Variants in TMEM63C observed in about 807,000 individuals in gnomAD.
The protein encoded by TMEM63C is osmosensitive cation channel TMEM63C.
TMEM63C carries 32 observed loss-of-function variants against 99.2 expected under a neutral mutation model. The ratio of observed to expected loss-of-function variants is 0.32; its 90% CI spans 0.24 to 0.43. The LOEUF (loss-of-function observed/expected upper bound fraction) is 0.43, where lower values mean the gene tolerates loss of function less well. Ranked by LOEUF, TMEM63C falls within the 20% of genes least tolerant of loss-of-function variation. TMEM63C has a pLI of 1.00. For missense variants in TMEM63C, 826 were observed against 1,053.0 expected, an observed-to-expected ratio of 0.78 and a Z score of 2.98; for synonymous variants, 376 against 397.9, an observed-to-expected ratio of 0.94 and a Z score of 0.66.
At position 77,238,673 on chromosome 14, in the gene TMEM63C, A is replaced by G. The variant is rs771992001; in HGVS notation, c.652-21A>G. On this transcript the variant is annotated intron_variant, in intron 9 of 23. Coordinates refer to ENST00000298351, the MANE Select transcript of TMEM63C (RefSeq NM_020431.4). ...TATGCAAGCACAGTCTTCTTTCTCC[A>G]TTTTTATTTTTCCCACCCAGGTCAC... 4 of 1,603,424 alleles carry G rather than the reference A, an allele frequency of 2.5e-6. No individual in the cohort carries two copies. In the South Asian group the frequency reaches 3.3e-5, roughly 13 times the overall value.
intron 1 of TMEM63C, among the ~76,000 whole-genome samples, chr14:77,186,106 G>A (rs1422448001): frequency 6.6e-6 from 1 of 151,944 alleles, no homozygotes; most frequent in African/African-American, 2.4e-5. Context: ...CTGCCTCCCA[G>A]GTTCAAGCGA....
At chr14:77,195,376 G>A (rs563269447) in intron 1 of TMEM63C, among the ~76,000 whole-genome samples, 8 of 152,260 alleles carry the variant, frequency 5.3e-5, no homozygotes, top group Admixed American at 4.6e-4. Flanking sequence ...GAAAGGGACC[G>A]ATGATCCCTT....
chr14:77,184,923 C>T (rs946672766), intron 1 of TMEM63C, among the ~76,000 whole-genome samples: 7 of 152,130 alleles, frequency 4.6e-5, no homozygotes, highest in Admixed American at 1.3e-4. Flanking sequence ...AGAAGAACAA[C>T]GTGTGGCCAG....
intron 1 of TMEM63C, among the ~76,000 whole-genome samples, chr14:77,211,535 A>G (rs1380248975): frequency 6.6e-6 from 1 of 152,200 alleles, no homozygotes; most frequent in Admixed American, 6.5e-5. Flanking sequence ...CATCCCTGAG[A>G]TTTGGCTTTG....
chr14:77,209,820 T>A (rs558981216), intron 1 of TMEM63C, among the ~76,000 whole-genome samples: 1 of 152,084 alleles, frequency 6.6e-6, no homozygotes, highest in Admixed American at 6.5e-5. Context: ...GAGGGTACCA[T>A]GAGGAAGTAG....
At chr14:77,215,074 A>G (rs1888557207) in intron 2 of TMEM63C, among the ~76,000 whole-genome samples, 1 of 152,168 alleles carries the variant, frequency 6.6e-6, no homozygotes, top group South Asian at 2.1e-4. Context: ...CCACACCTGC[A>G]ACCATACAGG....
intron 7 of TMEM63C, among the ~76,000 whole-genome samples, chr14:77,233,247 C>T (rs371416951): frequency 7.9e-5 from 12 of 152,132 alleles, no homozygotes; most frequent in South Asian, 2.1e-4. Flanking sequence ...GCTTTCCTCC[C>T]GAGAGCCCCA....
chr14:77,203,589 C>T (rs1469855633), intron 1 of TMEM63C, among the ~76,000 whole-genome samples: 1 of 152,196 alleles, frequency 6.6e-6, no homozygotes, highest in Non-Finnish European at 1.5e-5. Flanking sequence ...GTTCTTTATT[C>T]TGGCTACTTT....
chr14:77,210,453 G>A (rs907663790), intron 1 of TMEM63C, among the ~76,000 whole-genome samples: 2 of 152,212 alleles, frequency 1.3e-5, no homozygotes, highest in Admixed American at 1.3e-4. Flanking sequence ...GTTTGAGGAT[G>A]GTATGGGGCA....
intron 1 of TMEM63C, among the ~76,000 whole-genome samples, chr14:77,211,292 CGGGCCAGTTAACTTCTCT>C (rs1888493246): frequency 6.6e-6 from 1 of 152,178 alleles, no homozygotes; most frequent in Non-Finnish European, 1.5e-5. Context: ...ACCGTGACCT[CGGGCCAGTTAACTTCTCT>C]GGGCCATGAC....
At chr14:77,240,407 G>C in intron 12 of TMEM63C, 68 bp from the exon 13 acceptor site, 1 of 1,520,694 alleles carries the variant, frequency 6.6e-7, no homozygotes, top group South Asian at 1.3e-5. Context: ...GAGTGGGGAG[G>C]AACCTCGTGA....
intron 1 of TMEM63C, among the ~76,000 whole-genome samples, chr14:77,209,528 G>A (rs1256718785): frequency 6.6e-6 from 1 of 152,172 alleles, no homozygotes; most frequent in Non-Finnish European, 1.5e-5. Flanking sequence ...TACTATCAAA[G>A]AGCCCATGGA....
chr14:77,230,448 A>G (rs1407680389), intron 6 of TMEM63C, among the ~76,000 whole-genome samples: 5 of 152,114 alleles, frequency 3.3e-5, no homozygotes. Flanking sequence ...AGGTTCAGCT[A>G]TGGGTCATTC....
chr14:77,253,116 C>T (rs1327546675), intron 22 of TMEM63C, among the ~76,000 whole-genome samples, 189 bp from the exon 23 acceptor site: 2 of 152,206 alleles, frequency 1.3e-5, no homozygotes, highest in Non-Finnish European at 2.9e-5. Flanking sequence ...AGAAGGGACT[C>T]CCTTGCATCC....
Position 77,253,272 on chromosome 14 carries a change from C to A in TMEM63C, c.2149-33C>A, listed in dbSNP as rs1395825932. 3.7e-6 allele frequency: 6 copies of A among 1,601,542 alleles called. No homozygotes were observed. In the East Asian group the frequency reaches 1.1e-4, roughly 30 times the overall value. Reference sequence around the variant, plus strand: ...TGAATGGGGAGGGGCAAAGAGCAGGCCTCCTGTAACCCACCACCTCTCCCT... The same window carrying A: ...TGAATGGGGAGGGGCAAAGAGCAGGACTCCTGTAACCCACCACCTCTCCCT... On this transcript the variant is annotated intron_variant, in intron 22 of 23. Transcript: ENST00000298351.
chr14:77,222,840 T>G (rs1478449501), intron 5 of TMEM63C, among the ~76,000 whole-genome samples: 3 of 152,240 alleles, frequency 2.0e-5, no homozygotes, highest in African/African-American at 7.2e-5. Flanking sequence ...TGCATTCCTT[T>G]TCTTCAACAT....
intron 7 of TMEM63C, 40 bp from the exon 8 acceptor site, chr14:77,233,412 A>G: frequency 6.2e-7 from 1 of 1,606,370 alleles, no homozygotes; most frequent in Non-Finnish European, 8.5e-7. Context: ...CCAGCAACTG[A>G]GGAGCCAGGC....
intron 5 of TMEM63C, 102 bp from the exon 6 acceptor site, chr14:77,225,322 C>T: frequency 9.5e-7 from 1 of 1,055,876 alleles, no homozygotes; most frequent in Non-Finnish European, 1.4e-6. Flanking sequence ...GCCCCGGACG[C>T]TGCCGCGGCT....
At chr14:77,213,974 A>G (rs1888536099) in intron 2 of TMEM63C, among the ~76,000 whole-genome samples, 2 of 151,624 alleles carry the variant, frequency 1.3e-5, no homozygotes, top group African/African-American at 4.9e-5. Flanking sequence ...TTCCAGGACT[A>G]CTCTCAGGCC....
Sources: gnomAD v4.1 joint callset for allele counts (sites outside exome capture counted in the v4.1 genomes callset) on GRCh38, gnomAD v4.1.1 for gene constraint, MANE v1.5 for transcripts, NCBI Gene and HGNC (gene_info 2026-07-23, HGNC 2026-07-21) for gene names.